CALN1: variants seen among roughly 807,000 people sequenced by gnomAD.
CALN1 encodes the protein calneuron 1.
A neutral mutation model predicts 30.6 loss-of-function variants in CALN1; 17 were observed. The observed-to-expected ratio is 0.56, with a 90% CI of 0.38 to 0.83. CALN1 has a LOEUF of 0.83. CALN1 is among the 40% of genes least tolerant of loss of function. The pLI is 0.00. For synonymous variants in CALN1, 156 were observed against 131.4 expected, an observed-to-expected ratio of 1.19 and a Z score of -1.28; for missense variants, 291 against 354.9, an observed-to-expected ratio of 0.82 and a Z score of 1.45.
At chr7:72,315,375 G>A (rs1395406383) in intron 2 of CALN1, among the ~76,000 whole-genome samples, 2 of 152,064 alleles carry the variant, frequency 1.3e-5, no homozygotes, top group Admixed American at 6.6e-5. Context: ...ATAAGTATAT[G>A]AAAACAAAAC....
intron 5 of CALN1, among the ~76,000 whole-genome samples, chr7:71,949,299 C>T (rs956369186): frequency 6.6e-6 from 1 of 152,112 alleles, no homozygotes; most frequent in African/African-American, 2.4e-5. Flanking sequence ...AAAGGGTGTA[C>T]GTCGAGTAAG....
chr7:72,020,808 G>A (rs555698316), intron 5 of CALN1, among the ~76,000 whole-genome samples: 1 of 152,316 alleles, frequency 6.6e-6, no homozygotes, highest in South Asian at 2.1e-4. Flanking sequence ...TCCTTGCAGT[G>A]TACACGCTCT....
At chr7:71,950,245 T>C (rs924606190) in intron 5 of CALN1, among the ~76,000 whole-genome samples, 1 of 152,258 alleles carries the variant, frequency 6.6e-6, no homozygotes, top group East Asian at 1.9e-4. Flanking sequence ...AGCACAAGTA[T>C]GGGCAGGGCG....
At chr7:72,475,855 C>T in the CALN1 span, among the ~76,000 whole-genome samples, 9 of 151,134 alleles carry the variant, frequency 6.0e-5, no homozygotes, top group Middle Eastern at 6.9e-3. Context: ...GTGCTGTTCT[C>T]GTGCTAATGA....
intron 3 of CALN1, among the ~76,000 whole-genome samples, chr7:72,245,178 A>C (rs1053691607): frequency 2.6e-5 from 4 of 152,196 alleles, no homozygotes; most frequent in African/African-American, 9.6e-5. Context: ...TGAACTGTTC[A>C]AGTTTTCATG....
At chr7:72,047,323 TGA>T (rs1402602034) in intron 4 of CALN1, among the ~76,000 whole-genome samples, 2 of 152,110 alleles carry the variant, frequency 1.3e-5, no homozygotes, top group African/African-American at 4.8e-5. Flanking sequence ...GGAAGGAGGC[TGA>T]GAGTCGTGGC....
At chr7:71,887,289 T>C (rs1262320230) in intron 5 of CALN1, among the ~76,000 whole-genome samples, 7 of 152,098 alleles carry the variant, frequency 4.6e-5, no homozygotes, top group Admixed American at 3.9e-4. Context: ...AGCTGGCAAG[T>C]CCATAATTAT....
chr7:72,049,577 G>A (rs1802698576), intron 4 of CALN1, among the ~76,000 whole-genome samples: 1 of 152,114 alleles, frequency 6.6e-6, no homozygotes, highest in Non-Finnish European at 1.5e-5. Context: ...GCACCATCTT[G>A]GCTCACTGCA....
intron 3 of CALN1, among the ~76,000 whole-genome samples, chr7:72,278,459 G>C (rs1434855216): frequency 7.1e-6 from 1 of 141,096 alleles, no homozygotes; most frequent in East Asian, 2.3e-4. Flanking sequence ...GATTGCTCAG[G>C]CTATCAGGTC....
At chr7:72,038,371 CTATT>C (rs1801928488) in intron 4 of CALN1, among the ~76,000 whole-genome samples, 1 of 138,240 alleles carries the variant, frequency 7.2e-6, no homozygotes, top group Non-Finnish European at 1.5e-5. Context: ...AACCTAGTAT[CTATT>C]TTTTTTTTTT....
chr7:72,223,187 G>A (rs893743818), intron 3 of CALN1, among the ~76,000 whole-genome samples: 1 of 152,162 alleles, frequency 6.6e-6, no homozygotes, highest in African/African-American at 2.4e-5. Flanking sequence ...CCGCGGTCAG[G>A]CAGAGGAGAA....
At chr7:71,975,837 C>CT (rs1798074874) in intron 5 of CALN1, among the ~76,000 whole-genome samples, 1 of 151,356 alleles carries the variant, frequency 6.6e-6, no homozygotes, top group Admixed American at 6.6e-5. Flanking sequence ...CTCTCTTGCT[C>CT]TTCCATCCTC....
At chr7:71,949,383 GTTTT>G (rs888498949) in intron 5 of CALN1, among the ~76,000 whole-genome samples, 2 of 151,886 alleles carry the variant, frequency 1.3e-5, no homozygotes, top group African/African-American at 2.4e-5. Flanking sequence ...CCTCGAGAGG[GTTTT>G]TTGTTTGTTT....
At chr7:71,914,545 A>G (rs1281761761) in intron 5 of CALN1, among the ~76,000 whole-genome samples, 1 of 152,212 alleles carries the variant, frequency 6.6e-6, no homozygotes, top group East Asian at 1.9e-4. Flanking sequence ...AATGATTTAT[A>G]TTCCTTTGGT....
intron 2 of CALN1, among the ~76,000 whole-genome samples, chr7:72,294,916 C>T (rs536058153): frequency 4.6e-5 from 7 of 152,082 alleles, no homozygotes; most frequent in East Asian, 3.9e-4. Context: ...TTAATGTGTG[C>T]ATTTCTGAGT....
At chr7:72,028,707 A>G (rs1801249654) in intron 4 of CALN1, among the ~76,000 whole-genome samples, 1 of 152,166 alleles carries the variant, frequency 6.6e-6, no homozygotes, top group South Asian at 2.1e-4. Flanking sequence ...AGAAATGCAT[A>G]TTGGCCAGGC....
At position 72,271,583 on chromosome 7, in the gene CALN1, T is replaced by A. The variant is rs1271552187; in HGVS notation, c.244+7103A>T. Among the ~76,000 whole-genome samples the A allele has an allele frequency of 9.7e-4, 78 of 80,450 alleles. 9 individuals are homozygous for A. The highest frequency in any genetic ancestry group is 5.1e-3 in the African/African-American group (58 of 11,306). 52.8% of individuals were successfully genotyped at this position (80,450 alleles called of 152,430 possible). A position where few individuals can be genotyped will look rare whatever the true frequency, so the allele number is the denominator to read the frequency against. On this transcript the variant is annotated intron_variant, in intron 3 of 6. Coordinates refer to ENST00000395275, the MANE Select transcript of CALN1 (RefSeq NM_031468.4). ...GCCTTTTAAAAAAAAAAAATATATA[T>A]ATATATATATAGTTTTCAGCAGGCA...
intron 1 of CALN1, among the ~76,000 whole-genome samples, chr7:72,409,411 TC>T (rs976582709): frequency 6.9e-6 from 1 of 144,032 alleles, no homozygotes; most frequent in African/African-American, 2.5e-5. Flanking sequence ...TCCACATACC[TC>T]CCTTCCTCAG....
chr7:72,194,569 G>A (rs1469829581), intron 3 of CALN1, among the ~76,000 whole-genome samples: 1 of 149,604 alleles, frequency 6.7e-6, no homozygotes, highest in African/African-American at 2.5e-5. Flanking sequence ...GGTTTGGGCA[G>A]AAGGGGATCT....
Sources: allele counts gnomAD v4.1 joint callset (sites outside exome capture counted in the v4.1 genomes callset), GRCh38; gene constraint gnomAD v4.1.1; transcripts MANE v1.5; gene names NCBI Gene and HGNC (gene_info 2026-07-23, HGNC 2026-07-21).